The following ESCO2 variants were observed in gnomAD, a reference collection of about 807,000 sequenced individuals.
The protein encoded by ESCO2 is establishment of sister chromatid cohesion N-acetyltransferase 2.
Under a neutral mutation model 61.7 loss-of-function variants are expected in ESCO2, and 51 were observed. The observed-to-expected ratio is 0.83, with a 90% CI of 0.66 to 1.04. The LOEUF (loss-of-function observed/expected upper bound fraction) is 1.04, where lower values mean the gene tolerates loss of function less well. Among genes scored for constraint, ESCO2 ranks in the 50% least tolerant of loss-of-function variants. The pLI, the probability that ESCO2 is intolerant of heterozygous loss-of-function variation, is 0.00. For synonymous variants in ESCO2, 230 were observed against 238.2 expected (o/e 0.97, Z 0.32); for missense variants, 692 against 686.2 (o/e 1.01, Z -0.09).
intron 6 of ESCO2, among the ~76,000 whole-genome samples, chr8:27,788,600 C>A (rs999767520): frequency 1.3e-5 from 2 of 152,140 alleles, no homozygotes; most frequent in East Asian, 3.9e-4. Context: ...CTCAAGTGAT[C>A]CACCCACCTC....
chr8:27,803,522 A>T lies in ESCO2; in HGVS notation c.*84A>T, dbSNP rs1305611741. The T allele has an allele frequency of 2.0e-5, 31 of 1,549,718 alleles. No homozygotes were observed. The South Asian group carries it at 2.3e-4, about 12-fold the overall frequency. On this transcript the variant is annotated 3_prime_UTR_variant, in exon 11 of 11. Coordinates refer to ENST00000305188, the MANE Select transcript of ESCO2 (RefSeq NM_001017420.3). ...TAAAATACAAACTATTTAATATCAA[A>T]ATAAAAAATACCGAGACTCACACTC...
intron 3 of ESCO2, 131 bp downstream of exon 3, chr8:27,777,300 G>C: frequency 1.2e-6 from 1 of 846,102 alleles, no homozygotes; most frequent in Non-Finnish European, 1.8e-6. Flanking sequence ...GTTACTGTAA[G>C]GAGTTTATTT....
chr8:27,795,862 C>T (rs1328192195), intron 9 of ESCO2, among the ~76,000 whole-genome samples: 1 of 152,152 alleles, frequency 6.6e-6, no homozygotes, highest in African/African-American at 2.4e-5. Context: ...GTGTACTATG[C>T]TTTTAATGTG....
intron 2 of ESCO2, 73 bp downstream of exon 2, chr8:27,775,640 C>T (rs965962199): frequency 6.5e-7 from 1 of 1,536,510 alleles, no homozygotes; most frequent in African/African-American, 1.4e-5. Context: ...CTCCTATTTT[C>T]TAAAATTTTC....
Position 27,777,059 on chromosome 8 carries a change from G to GA in ESCO2, c.760dup (p.Thr254AsnfsTer27), listed in dbSNP as rs80359852. Reference sequence around the variant, plus strand: ...AGATTCTGATGTAGAGACTGTCAGTGAAAAAAAAACTTTTGCGACAAGGCA... The same window carrying GA: ...AGATTCTGATGTAGAGACTGTCAGTGAAAAAAAAAACTTTTGCGACAAGGCA... On this transcript the variant is annotated frameshift_variant, in exon 3 of 11. Transcript: ENST00000305188. LOFTEE classifies it high-confidence loss of function. 8.3e-5 allele frequency: 132 copies of GA among 1,596,346 alleles called. No homozygotes were observed. The highest frequency in any genetic ancestry group is 5.8e-4 in the Admixed American group (33 of 57,002).
intron 5 of ESCO2, among the ~76,000 whole-genome samples, chr8:27,785,731 T>C (rs748870987): frequency 5.9e-5 from 9 of 152,086 alleles, no homozygotes; most frequent in African/African-American, 9.7e-5. Context: ...GGGATACTAT[T>C]TGTTAAATAA....
chr8:27,805,559 C>T (rs111256067), downstream of ESCO2, among the ~76,000 whole-genome samples: 1,511 of 152,190 alleles, frequency 9.9e-3, 22 homozygotes, highest in African/African-American at 0.034. Flanking sequence ...GAAGCAAGTG[C>T]ACTGAGATGG....
intron 2 of ESCO2, 134 bp downstream of exon 2, chr8:27,775,701 A>G (rs1373654666): frequency 1.8e-5 from 14 of 772,406 alleles, no homozygotes; most frequent in South Asian, 6.0e-5. Context: ...CTGATAACCT[A>G]TATTCTAATT....
downstream of ESCO2, among the ~76,000 whole-genome samples, chr8:27,816,343 C>CTTATATATATA (rs1554559818): frequency 1.5e-5 from 2 of 136,370 alleles, no homozygotes; most frequent in African/African-American, 5.8e-5. Flanking sequence ...TCATCGAATA[C>CTTATATATATA]TATATATATA....
In ESCO2 at chr8:27,776,608, G is replaced by A. The variant is rs749163258; in HGVS notation, c.300G>A (p.Lys100=). 1.9e-6 allele frequency: 3 copies of A among 1,614,134 alleles called. No individual in the cohort carries two copies. Among genetic ancestry groups the A allele is most frequent in the African/African-American group, 1.3e-5 (1 of 75,054 alleles). The change falls in exon 3 of 11, where the codon AAG becomes AAA. Residue 100 remains lysine (K), a synonymous_variant. Coordinates refer to ENST00000305188, the MANE Select transcript of ESCO2 (RefSeq NM_001017420.3). The part of the protein sequence containing the change: ...NKWYLNPLER[K]LIKESRSTCL... ...GGTACCTCAATCCACTGGAGAGAAA[G>A]CTGATAAAAGAGAGTAGATCTACTT...
chr8:27,792,719 G>T lies in ESCO2; in HGVS notation c.1405G>T (p.Val469Phe). 1 of 1,612,472 alleles carries T rather than the reference G, an allele frequency of 6.2e-7. No individual in the cohort carries two copies. Among genetic ancestry groups the T allele is most frequent in the Non-Finnish European group, 8.5e-7 (1 of 1,179,530 alleles). ...TAATGAATTGGGCTTCCAGCAAGTT[G>T]TTCCTAAATGTCCAAACAAAATAAA... is the stretch of plus-strand genomic sequence containing the variant. ...VDNELGFQQVVPKCPNKIKTF... is the reference protein window; with the variant it reads ...VDNELGFQQVFPKCPNKIKTF... The change falls in exon 9 of 11, where the codon GTT (valine) becomes TTT (phenylalanine). Residue 469 changes from valine (V) to phenylalanine (F), a missense_variant. Coordinates refer to ENST00000305188, the MANE Select transcript of ESCO2 (RefSeq NM_001017420.3).
Position 27,792,094 on chromosome 8 carries a change from C to A in ESCO2, c.1353+42C>A, listed in dbSNP as rs758387730. The A allele has an allele frequency of 8.8e-6, 14 of 1,597,984 alleles. No homozygotes were observed. The Admixed American group carries it at 2.3e-4, about 27-fold the overall frequency. On this transcript the variant is annotated intron_variant, in intron 8 of 10. Transcript: ENST00000305188. ...TTTTATCTCTTGCCTTTCCCCACCC[C>A]CAAGAAATCAACCTATGTTGAAGTG...
At position 27,787,991 on chromosome 8, in the gene ESCO2, C is replaced by G. The variant is rs1233953201; in HGVS notation, c.1120C>G (p.Gln374Glu). 1 of 1,609,894 alleles carries G rather than the reference C, an allele frequency of 6.2e-7. No individual in the cohort carries two copies. The highest frequency in any genetic ancestry group is 1.3e-5 in the African/African-American group (1 of 74,900). Residue 374 changes from glutamine to glutamate, a missense_variant, in exon 6 of 11, where the codon CAG (glutamine) becomes GAG (glutamate). Transcript: ENST00000305188. Reference protein sequence around the residue: ...TRDTSKKTKDQLIIDAGQKHF... With the variant: ...TRDTSKKTKDELIIDAGQKHF... ...AGATACAAGTAAAAAAACAAAAGAC[C>G]AGCTCATCATCGTGAGTAAATTCCA...
At chr8:27,801,155 T>C (rs1192255447) in intron 10 of ESCO2, among the ~76,000 whole-genome samples, 2 of 152,208 alleles carry the variant, frequency 1.3e-5, no homozygotes, top group Non-Finnish European at 2.9e-5. Flanking sequence ...CACTTTGAAC[T>C]GACACTATGT....
chr8:27,773,703 G>A (rs1386207702), upstream of ESCO2: 1 of 152,042 alleles, frequency 6.6e-6, no homozygotes, highest in Non-Finnish European at 1.5e-5. Flanking sequence ...CTTTAACATG[G>A]CCCCTGCTCA....
At chr8:27,810,872 T>C (rs879248290), downstream of ESCO2, 270 of 875,334 alleles carry the variant, frequency 3.1e-4, 2 homozygotes, top group Middle Eastern at 6.3e-4. Flanking sequence ...TCATCAGTAC[T>C]AATACATATC....
At chr8:27,814,217 G>A (rs926776418), downstream of ESCO2, among the ~76,000 whole-genome samples, 1 of 152,134 alleles carries the variant, frequency 6.6e-6, no homozygotes, top group African/African-American at 2.4e-5. Flanking sequence ...TTTCTTAGTA[G>A]ACATAGGGCT....
intron 4 of ESCO2, among the ~76,000 whole-genome samples, chr8:27,782,893 T>C (rs1003778577): frequency 1.3e-5 from 2 of 152,146 alleles, no homozygotes. Context: ...AGTGTCGTTA[T>C]GCTATACAGT....
chr8:27,795,501 T>G (rs1238786705), intron 9 of ESCO2, among the ~76,000 whole-genome samples: 1 of 152,234 alleles, frequency 6.6e-6, no homozygotes, highest in Non-Finnish European at 1.5e-5. Flanking sequence ...TTGAATGCCT[T>G]TCTTTTTTCT....
Sources: gnomAD v4.1 joint callset for allele counts (sites outside exome capture counted in the v4.1 genomes callset) on GRCh38, gnomAD v4.1.1 for gene constraint, MANE v1.5 for transcripts, NCBI Gene and HGNC (gene_info 2026-07-23, HGNC 2026-07-21) for gene names.